Variants in BIRC6 observed in about 807,000 individuals in gnomAD.
The protein encoded by BIRC6 is baculoviral IAP repeat containing 6, also known as dual E2 ubiquitin-conjugating enzyme/E3 ubiquitin-protein ligase BIRC6.
In BIRC6, 98 loss-of-function variants were observed where a neutral mutation model predicts 503.3. That is an observed-to-expected ratio of 0.19 (90% confidence interval 0.17 to 0.23). The LOEUF (loss-of-function observed/expected upper bound fraction) is 0.23, where lower values mean the gene tolerates loss of function less well. Among genes scored for constraint, BIRC6 ranks in the 10% least tolerant of loss-of-function variants. The probability of loss-of-function intolerance (pLI) is 1.00; values close to 1 mark genes in which losing one functional copy is unlikely to be tolerated. For synonymous variants in BIRC6, 2,240 were observed against 2,078.7 expected, an observed-to-expected ratio of 1.08 and a Z score of -2.11; for missense variants, 5,360 against 5,806.0, an observed-to-expected ratio of 0.92 and a Z score of 2.50.
At chr2:32,361,043 C>A (rs2034001388) in intron 1 of BIRC6, among the ~76,000 whole-genome samples, 2 of 152,140 alleles carry the variant, frequency 1.3e-5, no homozygotes, top group African/African-American at 4.8e-5. Flanking sequence ...GCCTCACCTT[C>A]CTGAATAGCT....
At chr2:32,610,245 A>C (rs1340968463) in intron 72 of BIRC6, among the ~76,000 whole-genome samples, 1 of 152,214 alleles carries the variant, frequency 6.6e-6, no homozygotes, top group Non-Finnish European at 1.5e-5. Context: ...CTCCCTGGGC[A>C]ATGCTCAACC....
chr2:32,616,884 C>T (rs2063280923), intron 73 of BIRC6, among the ~76,000 whole-genome samples: 1 of 149,824 alleles, frequency 6.7e-6, no homozygotes, highest in African/African-American at 2.5e-5. Context: ...GCAGGTGGAT[C>T]GCTTGGACCA....
intron 69 of BIRC6, 150 bp downstream of exon 69, chr2:32,598,118 G>GAAGAAAAAATAAAA: frequency 1.4e-6 from 1 of 701,914 alleles, no homozygotes. Context: ...AGTGAAAGGA[G>GAAGAAAAAATAAAA]CCTCCCCACC....
chr2:32,438,513 A>G (rs1341543153), intron 15 of BIRC6, among the ~76,000 whole-genome samples: 1 of 151,372 alleles, frequency 6.6e-6, no homozygotes, highest in African/African-American at 2.4e-5. Context: ...TATGATCCCA[A>G]TTTGGTTAAT....
intron 2 of BIRC6, chr2:32,378,837 G>A (rs1260200805): frequency 4.6e-5 from 7 of 152,156 alleles, no homozygotes; most frequent in Non-Finnish European, 2.9e-5. Context: ...CTTTTCTGTA[G>A]TGTTAAATTT....
chr2:32,611,484 A>G lies in BIRC6; in HGVS notation c.14296A>G (p.Ile4766Val), dbSNP rs756164129. 6.8e-6 allele frequency: 11 copies of G among 1,610,188 alleles called. No homozygotes were observed. Among genetic ancestry groups the G allele is most frequent in the Non-Finnish European group, 9.3e-6 (11 of 1,177,634 alleles). The change falls in exon 73 of 74, where the codon ATA (isoleucine) becomes GTA (valine). Residue 4766 changes from isoleucine to valine, a missense_variant. Around this residue, in one of 16 missense-constraint regions of BIRC6, gnomAD observed 140 missense variants for 130.2 expected, o/e 1.07. Transcript: ENST00000421745. ...ACATTTTTACTTGAAAAGAGTTGAGATAATGGCCCAATGTGAGGAGTGGAT... is the reference window on the plus strand; with the variant it reads ...ACATTTTTACTTGAAAAGAGTTGAGGTAATGGCCCAATGTGAGGAGTGGAT... ...HKHFYLKRVE[I>V]MAQCEEWIAD...
In BIRC6 at chr2:32,470,251, A is replaced by G. The variant is rs1362497281; in HGVS notation, c.6431A>G (p.Asn2144Ser). ...GAAAGCTTACTTAATCTCTTGGATA[A>G]TTTATTGTCACCTCTTCAGCCACAG... ...VLESLLNLLD[N>S]LLSPLQPQLP... Residue 2144 changes from asparagine (N) to serine (S), a missense_variant, in exon 31 of 74, where the codon AAT becomes AGT. Physicochemically the swap from Asn to Ser is conservative, Grantham distance 46 (BLOSUM62 1). This residue lies in a region of BIRC6 where 2,299 missense variants were observed against 2,267.2 expected (regional missense o/e 1.01). Transcript: ENST00000421745. The G allele has an allele frequency of 1.3e-6, 2 of 1,573,346 alleles. No individual in the cohort carries two copies. Among genetic ancestry groups the G allele is most frequent in the Middle Eastern group, 1.7e-4 (1 of 6,006 alleles).
In BIRC6 at chr2:32,547,879, A is replaced by G. The variant is rs762731539; in HGVS notation, c.12840A>G (p.Thr4280=). Reference sequence around the variant, plus strand: ...AGGTGTCAAGCTCTCATAACCCTACATCAACAGAAGAACAACAGTTATATT... The same window carrying G: ...AGGTGTCAAGCTCTCATAACCCTACGTCAACAGAAGAACAACAGTTATATT... ...EPQVSSSHNP[T]STEEQQLYWA... Residue 4280 remains threonine (T), a synonymous_variant, in exon 64 of 74, where the codon ACA becomes ACG. Transcript: ENST00000421745. 6 of 1,608,046 alleles carry G rather than the reference A, an allele frequency of 3.7e-6. No homozygotes were observed. Among genetic ancestry groups the G allele is most frequent in the Non-Finnish European group, 4.2e-6 (5 of 1,178,130 alleles).
intron 3 of BIRC6, among the ~76,000 whole-genome samples, chr2:32,386,340 C>G (rs2038453092): frequency 1.3e-5 from 2 of 152,122 alleles, no homozygotes; most frequent in Admixed American, 1.3e-4. Flanking sequence ...AAGTCGCCAC[C>G]TGATAGTTTA....
chr2:32,428,600 A>G (rs2043776848), intron 10 of BIRC6, among the ~76,000 whole-genome samples: 1 of 152,242 alleles, frequency 6.6e-6, no homozygotes, highest in Non-Finnish European at 1.5e-5. Flanking sequence ...TTAGAATGTT[A>G]GAATATACTA....
intron 28 of BIRC6, 92 bp from the exon 29 acceptor site, chr2:32,468,345 A>T: frequency 8.7e-7 from 1 of 1,149,954 alleles, no homozygotes; most frequent in Non-Finnish European, 1.2e-6. Context: ...GTTGTATGTT[A>T]ACAGGTTTAA....
rs763147670 is a variant in BIRC6 at position 32,499,810 on chromosome 2, G to A, written c.8732G>A (p.Gly2911Asp). 10 of 1,613,854 alleles carry A rather than the reference G, an allele frequency of 6.2e-6. No individual in the cohort carries two copies. In the Admixed American group the frequency reaches 6.7e-5, roughly 11 times the overall value. ...CCGGGTGATGCAAAAGCAGTTTGTG[G>A]CGAAATGACAAGAGATCAACTCATG... ...IRPGDAKAVC[G>D]EMTRDQLMFD... is the part of the protein sequence containing the mutation. Residue 2911 changes from glycine to aspartate, a missense_variant, in exon 46 of 74, where the codon GGC becomes GAC. Around this residue, in one of 16 missense-constraint regions of BIRC6, gnomAD observed 2,299 missense variants for 2,267.2 expected, o/e 1.01. Transcript: ENST00000421745.
intron 8 of BIRC6, among the ~76,000 whole-genome samples, chr2:32,404,922 A>T (rs1191028476): frequency 2.0e-5 from 3 of 152,140 alleles, no homozygotes; most frequent in African/African-American, 7.2e-5. Context: ...TTGTCCTCCC[A>T]AAGTGCTGGG....
intron 9 of BIRC6, among the ~76,000 whole-genome samples, chr2:32,411,894 A>G (rs1383140246): frequency 2.6e-5 from 4 of 152,172 alleles, no homozygotes; most frequent in African/African-American, 4.8e-5. Flanking sequence ...TTTAGCGTCA[A>G]GAGATTATAC....
chr2:32,588,642 G>A (rs2061215060), intron 66 of BIRC6, among the ~76,000 whole-genome samples: 1 of 152,126 alleles, frequency 6.6e-6, no homozygotes, highest in African/African-American at 2.4e-5. Context: ...GATATTTAAA[G>A]AGTAAGCAAA....
chr2:32,536,600 A>C (rs1335849803), intron 61 of BIRC6, among the ~76,000 whole-genome samples: 2 of 152,202 alleles, frequency 1.3e-5, no homozygotes, highest in African/African-American at 4.8e-5. Flanking sequence ...AGGTTTGTCA[A>C]AGATCAGATG....
chr2:32,435,024 G>A (rs529410828), intron 13 of BIRC6, among the ~76,000 whole-genome samples: 1 of 152,226 alleles, frequency 6.6e-6, no homozygotes, highest in South Asian at 2.1e-4. Flanking sequence ...ATCTGTGGGG[G>A]TCCTGGAACT....
At position 32,357,587 on chromosome 2, in the gene BIRC6, C is replaced by T. The variant is rs116200779; in HGVS notation, c.325+101C>T. The T allele has an allele frequency of 7.6e-4, 1,129 of 1,486,790 alleles. 6 individuals carry two copies. In the African/African-American group the frequency reaches 0.015, roughly 19 times the overall value. The allele number at this position is 1,486,790 out of a possible 1,614,324, so 92.1% of individuals were successfully genotyped here. A position where few individuals can be genotyped will look rare whatever the true frequency, so the allele number is the denominator to read the frequency against. On this transcript the variant is annotated intron_variant, in intron 1 of 73. Coordinates refer to ENST00000421745, the MANE Select transcript of BIRC6 (RefSeq NM_016252.4). The surrounding 1 kb of genome is among the most constrained non-coding windows in gnomAD (Gnocchi z 4.9). ...TCGGGGAAGCGAGATGGCGAGAGGG[C>T]AGGGCTGGGGGTTCGGGCCCAGCCG...
chr2:32,558,721 C>G (rs190934652), intron 65 of BIRC6: 1 of 152,114 alleles, frequency 6.6e-6, no homozygotes. Context: ...GATGAATGAA[C>G]CTTTTCTCTT....
Sources: gnomAD v4.1 joint callset for allele counts (sites outside exome capture counted in the v4.1 genomes callset) on GRCh38, gnomAD v4.1.1 for gene constraint, gnomAD v4.1.1 regional missense constraint, Gnocchi (gnomAD v3.1) non-coding constraint, MANE v1.5 for transcripts, NCBI Gene and HGNC (gene_info 2026-07-23, HGNC 2026-07-21) for gene names.